RMDN3: variants seen among roughly 807,000 people sequenced by gnomAD.
RMDN3 encodes the protein regulator of microtubule dynamics protein 3.
Under a neutral mutation model 61.8 loss-of-function variants are expected in RMDN3, and 41 were observed. The observed-to-expected ratio is 0.66, with a 90% CI of 0.52 to 0.86. RMDN3 has a LOEUF of 0.86. Ranked by LOEUF, RMDN3 falls within the 40% of genes least tolerant of loss-of-function variation. RMDN3 has a pLI of 0.00. For missense variants in RMDN3, 557 were observed against 585.3 expected (o/e 0.95, Z 0.50); for synonymous variants, 247 against 232.0 (o/e 1.06, Z -0.59).
intron 1 of RMDN3, 141 bp from the exon 2 acceptor site, chr15:40,754,931 C>A: frequency 3.0e-6 from 2 of 661,998 alleles, no homozygotes; most frequent in Non-Finnish European, 2.5e-6. Context: ...CCTGAGCTCT[C>A]GACTACGTGC....
intron 6 of RMDN3, among the ~76,000 whole-genome samples, chr15:40,741,742 C>T (rs527539196): frequency 1.3e-3 from 195 of 147,908 alleles, no homozygotes; most frequent in African/African-American, 4.5e-3. Flanking sequence ...GATTCTCCTG[C>T]GTCAGCCTCC....
Position 40,737,361 on chromosome 15 carries a change from T to C in RMDN3, c.1225-20A>G. 6.2e-7 allele frequency: 1 copy of C among 1,609,668 alleles called. No individual in the cohort carries two copies. The highest frequency in any genetic ancestry group is 8.5e-7 in the Non-Finnish European group (1 of 1,175,962). On this transcript the variant is annotated intron_variant, in intron 10 of 12. Coordinates refer to ENST00000338376, the MANE Select transcript of RMDN3 (RefSeq NM_018145.3). ...TTCAGCCTGGGAAAAGGGACAAAGA[T>C]ATTTCAGTAAGAGGTTCCTATATTC...
At chr15:40,743,961 G>A in intron 6 of RMDN3, 86 bp downstream of exon 6, 1 of 1,141,962 alleles carries the variant, frequency 8.8e-7, no homozygotes, top group South Asian at 1.5e-5. Context: ...CAGCATCTTG[G>A]TGGTTCCCCG....
In RMDN3 at chr15:40,742,171, G is replaced by GTTT. The variant is rs896797307; in HGVS notation, c.910+1873_910+1875dup. Among the ~76,000 whole-genome samples, 40 of 134,952 alleles carry GTTT rather than the reference G, an allele frequency of 3.0e-4. 1 individual carries two copies. Among genetic ancestry groups the GTTT allele is most frequent in the African/African-American group, 5.9e-4 (21 of 35,844 alleles). The allele number at this position is 134,952 out of a possible 152,430, so 88.5% of individuals were successfully genotyped here. On this transcript the variant is annotated intron_variant, in intron 6 of 12. Transcript: ENST00000338376. ...CCACCATGCCTGGCTAATTTTTTAA[G>GTTT]TTTTTTTTTTTTTTTTTGTAGAGAC...
Position 40,745,139 on chromosome 15 carries a change from C to G in RMDN3, c.645G>C (p.Leu215Phe). ...VKMGRKDSLDLEEEAASGASS... is the reference protein window; with the variant it reads ...VKMGRKDSLDFEEEAASGASS... ...AGGCACCTGAAGCTGCCTCTTCCTCCAAGTCAAGAGAATCCTTTCTCCCCA... is the reference window on the plus strand; with the variant it reads ...AGGCACCTGAAGCTGCCTCTTCCTCGAAGTCAAGAGAATCCTTTCTCCCCA... Residue 215 changes from leucine (L) to phenylalanine (F), a missense_variant, in exon 5 of 13, where the codon TTG becomes TTC. By Grantham distance (22) the Leu-to-Phe change is conservative. Coordinates refer to ENST00000338376, the MANE Select transcript of RMDN3 (RefSeq NM_018145.3). The G allele has an allele frequency of 6.2e-7, 1 of 1,614,152 alleles. No homozygotes were observed. The highest frequency in any genetic ancestry group is 8.5e-7 in the Non-Finnish European group (1 of 1,180,020).
intron 7 of RMDN3, 133 bp from the exon 8 acceptor site, chr15:40,738,709 T>C (rs982888138): frequency 7.5e-6 from 6 of 795,352 alleles, no homozygotes; most frequent in Admixed American, 4.2e-5. Flanking sequence ...TACCTAATTT[T>C]CATCTGTACG....
intron 3 of RMDN3, chr15:40,751,772 C>A (rs1212236913): frequency 1.2e-6 from 1 of 851,008 alleles, no homozygotes; most frequent in Non-Finnish European, 1.8e-6. Context: ...GCAAACAGAG[C>A]GCTTCAGCTG....
At chr15:40,740,074 G>T in intron 7 of RMDN3, 59 bp downstream of exon 7, 1 of 1,120,872 alleles carries the variant, frequency 8.9e-7, no homozygotes, top group Non-Finnish European at 1.3e-6. Context: ...GAAAAGAAAG[G>T]GCTGTCCTCT....
rs1170311614 is a variant in RMDN3, at chr15:40,755,221, GCAGC to G, written c.-150_-147del. On this transcript the variant is annotated 5_prime_UTR_variant, in exon 1 of 13. Coordinates refer to ENST00000338376, the MANE Select transcript of RMDN3 (RefSeq NM_018145.3). The stretch of plus-strand genomic sequence containing the variant: ...TACCCGGCCGCCAGCCACCATGGCA[GCAGC>G]CGCCGCGGGCTCACGCTGTCAGTGA... 6.5e-6 allele frequency: 1 copy of G among 153,894 alleles called. No individual in the cohort carries two copies. The highest frequency in any genetic ancestry group is 2.4e-5 in the African/African-American group (1 of 41,500). The allele number at this position is 153,894 out of a possible 1,614,324, so 9.5% of individuals were successfully genotyped here.
chr15:40,753,619 T>C (rs1156893046), intron 2 of RMDN3, among the ~76,000 whole-genome samples: 2 of 152,236 alleles, frequency 1.3e-5, no homozygotes, highest in African/African-American at 2.4e-5. Context: ...CTCAAATGAA[T>C]TGACAAATCT....
chr15:40,751,725 C>G, intron 3 of RMDN3, 156 bp from the exon 4 acceptor site: 1 of 1,135,302 alleles, frequency 8.8e-7, no homozygotes, highest in Non-Finnish European at 1.3e-6. Context: ...AGCAGGGCAG[C>G]TTCCTGGGCC....
At chr15:40,754,139 T>C (rs1285014538) in intron 2 of RMDN3, among the ~76,000 whole-genome samples, 3 of 149,934 alleles carry the variant, frequency 2.0e-5, no homozygotes, top group Non-Finnish European at 4.4e-5. Context: ...TTTTTTTTTT[T>C]TTTTTTTTTG....
intron 7 of RMDN3, 115 bp from the exon 8 acceptor site, chr15:40,738,691 G>T: frequency 1.0e-6 from 1 of 959,248 alleles, no homozygotes; most frequent in Non-Finnish European, 1.6e-6. Flanking sequence ...CTCAACTAGA[G>T]CTGAAAATAC....
chr15:40,743,838 A>C (rs1205444701), intron 6 of RMDN3, among the ~76,000 whole-genome samples: 1 of 152,258 alleles, frequency 6.6e-6, no homozygotes, highest in Non-Finnish European at 1.5e-5. Flanking sequence ...GTGTGTTACT[A>C]ATCAGCATGA....
intron 4 of RMDN3, among the ~76,000 whole-genome samples, chr15:40,746,433 C>T (rs1430332059): frequency 1.3e-5 from 2 of 150,376 alleles, no homozygotes; most frequent in Admixed American, 6.7e-5. Flanking sequence ...GAAGAATGGG[C>T]GTGAACCCGG....
At chr15:40,738,419 A>G (rs754044513) in intron 8 of RMDN3, 82 bp downstream of exon 8, 10 of 1,373,368 alleles carry the variant, frequency 7.3e-6, no homozygotes, top group Non-Finnish European at 1.0e-5. Flanking sequence ...GAGGCTGTAG[A>G]AAAGTTTTTG....
intron 4 of RMDN3, among the ~76,000 whole-genome samples, chr15:40,750,927 C>T (rs1325426350): frequency 6.6e-6 from 1 of 152,222 alleles, no homozygotes; most frequent in African/African-American, 2.4e-5. Flanking sequence ...CACCAGACTC[C>T]TGCCAGCTGC....
At position 40,745,069 on chromosome 15, in the gene RMDN3, G is replaced by C; in HGVS notation, c.715C>G (p.Leu239Val). The change falls in exon 5 of 13, where the codon CTG (leucine) becomes GTG (valine). Residue 239 changes from leucine to valine, a missense_variant. Leu to Val is a conservative substitution (Grantham distance 32). Coordinates refer to ENST00000338376, the MANE Select transcript of RMDN3 (RefSeq NM_018145.3). ...TCGTCGGCCTGCTGCAGGAGGGGCA[G>C]CACATCCTCCAAGCCTGAGGAACCT... Reference protein sequence around the residue: ...AGGSSGLEDVLPLLQQADELH... With the variant: ...AGGSSGLEDVVPLLQQADELH... 6.2e-7 allele frequency: 1 copy of C among 1,614,146 alleles called. No individual in the cohort carries two copies. Among genetic ancestry groups the C allele is most frequent in the Non-Finnish European group, 8.5e-7 (1 of 1,180,012 alleles).
At chr15:40,749,565 C>A (rs756890602) in intron 4 of RMDN3, among the ~76,000 whole-genome samples, 3 of 152,176 alleles carry the variant, frequency 2.0e-5, no homozygotes, top group Non-Finnish European at 2.9e-5. Context: ...CTCAAGCTTT[C>A]TTTGATTTTG....
Sources: allele counts gnomAD v4.1 joint callset (sites outside exome capture counted in the v4.1 genomes callset), GRCh38; gene constraint gnomAD v4.1.1; transcripts MANE v1.5; gene names NCBI Gene and HGNC (gene_info 2026-07-23, HGNC 2026-07-21).